Variants in CSMD2 observed in about 807,000 individuals in gnomAD.
CSMD2 encodes the protein CUB and Sushi multiple domains 2, also known as CUB and sushi domain-containing protein 2.
A neutral mutation model predicts 398.5 loss-of-function variants in CSMD2; 130 were observed. The observed-to-expected ratio is 0.33, with a 90% CI of 0.28 to 0.38. The LOEUF is 0.38. Ranked by LOEUF, CSMD2 falls within the 10% of genes least tolerant of loss-of-function variation. CSMD2 has a pLI of 1.00. For missense variants in CSMD2, 3,829 were observed against 4,764.9 expected (o/e 0.80, Z 5.78); for synonymous variants, 1,828 against 1,908.5 (o/e 0.96, Z 1.10).
chr1:33,666,878 GA>G (rs1359666264), intron 25 of CSMD2, among the ~76,000 whole-genome samples: 1 of 152,140 alleles, frequency 6.6e-6, no homozygotes, highest in Non-Finnish European at 1.5e-5. Flanking sequence ...CGTGCTCTCA[GA>G]AAAGACATCG....
intron 6 of CSMD2, among the ~76,000 whole-genome samples, chr1:33,835,571 G>C (rs1660122219): frequency 8.1e-6 from 1 of 123,010 alleles, no homozygotes; most frequent in Non-Finnish European, 1.6e-5. Context: ...GTTAGTGGGT[G>C]CAGCACACCA....
intron 1 of CSMD2, chr1:34,112,899 TG>T (rs1305116921): frequency 6.6e-6 from 1 of 152,054 alleles, no homozygotes; most frequent in Non-Finnish European, 1.5e-5. Flanking sequence ...AGCTGGTGTG[TG>T]GGTGTGTAAT....
intron 12 of CSMD2, among the ~76,000 whole-genome samples, chr1:33,778,299 A>T (rs1239316303): frequency 9.2e-5 from 14 of 152,116 alleles, no homozygotes; most frequent in Non-Finnish European, 8.8e-5. Flanking sequence ...GGGCTCGAGC[A>T]ATCCTCCCAT....
At chr1:33,677,954 A>G (rs1370313660) in intron 25 of CSMD2, among the ~76,000 whole-genome samples, 2 of 92,848 alleles carry the variant, frequency 2.2e-5, no homozygotes, top group Admixed American at 1.8e-4. Flanking sequence ...ACTGGGGACT[A>G]TTGTGGGGTG....
intron 41 of CSMD2, 106 bp downstream of exon 41, chr1:33,610,935 C>A: frequency 9.0e-7 from 1 of 1,108,142 alleles, no homozygotes; most frequent in African/African-American, 1.5e-5. Flanking sequence ...GCAACCCACC[C>A]CTTATGGTGT....
At chr1:33,817,034 C>T (rs1235208628) in intron 9 of CSMD2, among the ~76,000 whole-genome samples, 1 of 152,052 alleles carries the variant, frequency 6.6e-6, no homozygotes, top group Non-Finnish European at 1.5e-5. Flanking sequence ...GAGTTTTGTT[C>T]GTTTTCATTC....
At chr1:34,089,903 G>C (rs1007947343) in intron 1 of CSMD2, among the ~76,000 whole-genome samples, 1 of 152,030 alleles carries the variant, frequency 6.6e-6, no homozygotes, top group Non-Finnish European at 1.5e-5. Flanking sequence ...CTCCAGCCTT[G>C]TCTCTCTCTC....
intron 21 of CSMD2, chr1:33,709,592 G>C: frequency 7.5e-6 from 3 of 402,430 alleles, no homozygotes; most frequent in Non-Finnish European, 1.3e-5. Flanking sequence ...TATTCATATA[G>C]TAGCGTAGCA....
chr1:33,725,471 A>G lies in CSMD2; in HGVS notation c.2573T>C (p.Leu858Ser). 1 of 1,614,214 alleles carries G rather than the reference A, an allele frequency of 6.2e-7. No homozygotes were observed. The highest frequency in any genetic ancestry group is 8.5e-7 in the Non-Finnish European group (1 of 1,180,034). The change falls in exon 17 of 71, where the codon TTG (leucine) becomes TCG (serine). Residue 858 changes from leucine (L) to serine (S), a missense_variant. Leu to Ser is a moderately radical substitution (Grantham distance 145). Around this residue, in one of 5 missense-constraint regions of CSMD2, gnomAD observed 2,001 missense variants for 2,567.1 expected, o/e 0.78. Transcript: ENST00000373381. ...VRDGRTYSAP[L>S]IGVYHGTQVP... ...CTGGGTCCCGTGGTAAACCCCGATCAAGGGCGCTGAGTAAGTCCGCCCATC... is the reference window on the plus strand; with the variant it reads ...CTGGGTCCCGTGGTAAACCCCGATCGAGGGCGCTGAGTAAGTCCGCCCATC...
chr1:33,650,152 T>C (rs1350946553), intron 28 of CSMD2, among the ~76,000 whole-genome samples: 1 of 152,198 alleles, frequency 6.6e-6, no homozygotes, highest in Non-Finnish European at 1.5e-5. Flanking sequence ...CTCCCTTCCA[T>C]CATCAAATTT....
chr1:33,559,516 A>G lies in CSMD2; in HGVS notation c.8381-43T>C. On this transcript the variant is annotated intron_variant, in intron 53 of 70. Coordinates refer to ENST00000373381, the MANE Select transcript of CSMD2 (RefSeq NM_001281956.2). This position sits in a 1 kb window ranked among gnomAD's most constrained non-coding sequence, Gnocchi z 4.0. ...GATAGGTAAGCCCTCCTACTATTCC[A>G]CACCCCTCAGAATTTATCCACCTCT... The G allele has an allele frequency of 6.6e-7, 1 of 1,516,462 alleles. No homozygotes were observed. The allele number at this position is 1,516,462 out of a possible 1,614,324, so 93.9% of individuals were successfully genotyped here.
At chr1:33,888,947 T>G (rs1349049435) in intron 5 of CSMD2, among the ~76,000 whole-genome samples, 4 of 152,142 alleles carry the variant, frequency 2.6e-5, no homozygotes, top group Non-Finnish European at 4.4e-5. Flanking sequence ...TTGTTTTGTA[T>G]TTTTAGTAGA....
intron 25 of CSMD2, among the ~76,000 whole-genome samples, chr1:33,687,855 C>G (rs1054213326): frequency 6.6e-6 from 1 of 152,040 alleles, no homozygotes; most frequent in Non-Finnish European, 1.5e-5. Context: ...GTTGAACACT[C>G]TATATGAAAA....
In CSMD2 at chr1:33,748,238, G is replaced by T. The variant is rs1483121677; in HGVS notation, c.1847-4632C>A. 3.9e-5 allele frequency among the ~76,000 whole-genome samples: 6 copies of T among 152,122 alleles called. No individual in the cohort carries two copies. In the East Asian group the frequency reaches 9.6e-4, roughly 24 times the overall value. Reference sequence around the variant, plus strand: ...GAAAATTATGTATGCATGTTGTATTGTAATATTTCTGTAAGAGAATAGGAA... The same window carrying T: ...GAAAATTATGTATGCATGTTGTATTTTAATATTTCTGTAAGAGAATAGGAA... On this transcript the variant is annotated intron_variant, in intron 13 of 70. Transcript: ENST00000373381.
intron 3 of CSMD2, among the ~76,000 whole-genome samples, chr1:33,975,486 T>TATACACACACACACACAC (rs145373689): frequency 8.9e-5 from 13 of 146,466 alleles, no homozygotes; most frequent in East Asian, 6.1e-4. Flanking sequence ...CTCCCAAGTG[T>TATACACACACACACACAC]ACACACACAC....
At chr1:33,615,825 G>A (rs1392458434) in intron 39 of CSMD2, among the ~76,000 whole-genome samples, 1 of 152,234 alleles carries the variant, frequency 6.6e-6, no homozygotes, top group Non-Finnish European at 1.5e-5. Context: ...AACCACAGAA[G>A]AGAAATGCCA....
chr1:33,572,408 C>T, intron 50 of CSMD2, 98 bp downstream of exon 50: 3 of 1,091,370 alleles, frequency 2.7e-6, no homozygotes, highest in East Asian at 5.2e-5. Context: ...TTTTTTTTTC[C>T]CCCTCATTAC....
At chr1:33,920,261 G>T (rs1643890231) in intron 4 of CSMD2, among the ~76,000 whole-genome samples, 1 of 152,016 alleles carries the variant, frequency 6.6e-6, no homozygotes, top group Non-Finnish European at 1.5e-5. Flanking sequence ...GGGCGCAGTG[G>T]CTCATGCCTG....
chr1:33,913,731 G>C (rs560703372), intron 5 of CSMD2, among the ~76,000 whole-genome samples: 1 of 152,048 alleles, frequency 6.6e-6, no homozygotes, highest in Non-Finnish European at 1.5e-5. Context: ...GTGCAGGCTC[G>C]ATATCTAATT....
Sources: allele counts gnomAD v4.1 joint callset (sites outside exome capture counted in the v4.1 genomes callset), GRCh38; gene constraint gnomAD v4.1.1; regional missense constraint gnomAD v4.1.1; non-coding constraint Gnocchi (gnomAD v3.1); transcripts MANE v1.5; gene names NCBI Gene and HGNC (gene_info 2026-07-23, HGNC 2026-07-21).